The following ESRP1 variants were observed in gnomAD, a reference collection of about 807,000 sequenced individuals.
ESRP1 encodes epithelial splicing regulatory protein 1.
In ESRP1, 33 loss-of-function variants were observed where a neutral mutation model predicts 81.7. The ratio of observed to expected loss-of-function variants is 0.40; its 90% CI spans 0.31 to 0.54. ESRP1 has a LOEUF of 0.54. Ranked by LOEUF, ESRP1 falls within the 20% of genes least tolerant of loss-of-function variation. The probability of loss-of-function intolerance (pLI) is 0.41; values close to 1 mark genes in which losing one functional copy is unlikely to be tolerated. For missense variants in ESRP1, 672 were observed against 833.1 expected, an observed-to-expected ratio of 0.81 and a Z score of 2.38; for synonymous variants, 320 against 303.3, an observed-to-expected ratio of 1.06 and a Z score of -0.57.
At chr8:94,654,272 C>T (rs1377828131) in intron 4 of ESRP1, among the ~76,000 whole-genome samples, 1 of 152,066 alleles carries the variant, frequency 6.6e-6, no homozygotes, top group Non-Finnish European at 1.5e-5. Context: ...GAGTCAAGAT[C>T]GCACCATTTT....
chr8:94,689,978 G>A (rs146081711), intron 13 of ESRP1, among the ~76,000 whole-genome samples: 196 of 151,636 alleles, frequency 1.3e-3, no homozygotes, highest in African/African-American at 4.4e-3. Flanking sequence ...CACCATGCTC[G>A]GCTAATTTTT....
chr8:94,703,655 G>C (rs780218247), intron 15 of ESRP1, among the ~76,000 whole-genome samples: 1 of 152,154 alleles, frequency 6.6e-6, no homozygotes, highest in African/African-American at 2.4e-5. Flanking sequence ...ATAACTGACA[G>C]TCCCAGGGTT....
intron 13 of ESRP1, among the ~76,000 whole-genome samples, chr8:94,690,103 C>A (rs1809328079): frequency 6.7e-6 from 1 of 150,112 alleles, no homozygotes; most frequent in African/African-American, 2.4e-5. Context: ...CAGGCGTGAG[C>A]CACCGTGCCC....
intron 10 of ESRP1, 151 bp downstream of exon 10, chr8:94,668,401 G>C (rs1277693584): frequency 2.8e-6 from 2 of 705,904 alleles, no homozygotes; most frequent in African/African-American, 1.8e-5. Flanking sequence ...CTATAACCAA[G>C]AGATAGCCGC....
At chr8:94,690,878 A>G (rs920885149) in intron 13 of ESRP1, among the ~76,000 whole-genome samples, 6 of 152,226 alleles carry the variant, frequency 3.9e-5, no homozygotes, top group African/African-American at 1.4e-4. Context: ...TAGACTTGCT[A>G]TCTTTCTGAG....
In ESRP1 at chr8:94,642,092, C is replaced by T. The variant is rs1184416946; in HGVS notation, c.261+8C>T. The T allele has an allele frequency of 5.0e-6, 8 of 1,608,860 alleles. No homozygotes were observed. The highest frequency in any genetic ancestry group is 4.0e-5 in the African/African-American group (3 of 74,890). On this transcript the variant is annotated splice_region_variant and intron_variant, in intron 2 of 15. Coordinates refer to ENST00000433389, the MANE Select transcript of ESRP1 (RefSeq NM_017697.4). ...GACCAAGCCCTCCGACAGGTGACAA[C>T]CCCGGGTCACGCCACCCACCCCAGC...
intron 14 of ESRP1, 127 bp downstream of exon 14, chr8:94,692,954 T>C (rs1809464425): frequency 9.7e-7 from 1 of 1,033,588 alleles, no homozygotes; most frequent in East Asian, 2.7e-5. Context: ...ATGGATTTGC[T>C]TATGGAAACA....
At chr8:94,683,233 C>T (rs964710099) in intron 13 of ESRP1, among the ~76,000 whole-genome samples, 1 of 151,726 alleles carries the variant, frequency 6.6e-6, no homozygotes, top group South Asian at 2.1e-4. Flanking sequence ...CGTAAGCCAC[C>T]GCGCCCGGCC....
chr8:94,658,847 C>T lies in ESRP1; in HGVS notation c.491-3425C>T, dbSNP rs538811194. Among the ~76,000 whole-genome samples, 11 of 152,304 alleles carry T rather than the reference C, an allele frequency of 7.2e-5. No individual in the cohort carries two copies. In the South Asian group the frequency reaches 2.1e-3, roughly 29 times the overall value. ...TTTGCGGAGCACATTAGGGTCTGCT[C>T]ACCCAGGTGCACCTTGTTTTAGTGT... is the stretch of plus-strand genomic sequence containing the variant. On this transcript the variant is annotated intron_variant, in intron 4 of 15. Transcript: ENST00000433389.
chr8:94,660,762 CAAAAAACCAA>C (rs1027266277), intron 4 of ESRP1, among the ~76,000 whole-genome samples: 1 of 80,058 alleles, frequency 1.2e-5, no homozygotes, highest in Non-Finnish European at 2.7e-5. Context: ...AACAAACAAA[CAAAAAACCAA>C]AGAAAACCAA....
intron 13 of ESRP1, among the ~76,000 whole-genome samples, chr8:94,684,064 C>A (rs758277010): frequency 6.6e-6 from 1 of 152,140 alleles, no homozygotes; most frequent in Non-Finnish European, 1.5e-5. Context: ...TCAAGCTGAT[C>A]TCGAACTCCC....
Position 94,671,580 on chromosome 8 carries a change from A to G in ESRP1, c.1361A>G (p.Tyr454Cys). 6.2e-7 allele frequency: 1 copy of G among 1,613,894 alleles called. No homozygotes were observed. The highest frequency in any genetic ancestry group is 8.5e-7 in the Non-Finnish European group (1 of 1,179,876). ...TGTATACGCCTTCGAGGTCTTCCCTATGCAGCCACAATTGAGGACATCCTG... is the reference window on the plus strand; with the variant it reads ...TGTATACGCCTTCGAGGTCTTCCCTGTGCAGCCACAATTGAGGACATCCTG... ...RDCIRLRGLP[Y>C]AATIEDILDF... Residue 454 changes from tyrosine to cysteine, a missense_variant, in exon 11 of 16, where the codon TAT becomes TGT. Tyr to Cys is a radical substitution (Grantham distance 194, BLOSUM62 -2). Coordinates refer to ENST00000433389, the MANE Select transcript of ESRP1 (RefSeq NM_017697.4).
chr8:94,653,070 G>T (rs577393972), intron 4 of ESRP1, among the ~76,000 whole-genome samples: 1 of 152,038 alleles, frequency 6.6e-6, no homozygotes. Flanking sequence ...TCCATGATAG[G>T]GTATTGCATT....
chr8:94,654,771 A>G (rs1319978635), intron 4 of ESRP1, among the ~76,000 whole-genome samples: 1 of 152,060 alleles, frequency 6.6e-6, no homozygotes, highest in Non-Finnish European at 1.5e-5. Flanking sequence ...AAATAAATCT[A>G]AAAATTAGCT....
At chr8:94,661,152 T>G (rs1818724605) in intron 4 of ESRP1, among the ~76,000 whole-genome samples, 1 of 152,166 alleles carries the variant, frequency 6.6e-6, no homozygotes, top group Non-Finnish European at 1.5e-5. Flanking sequence ...GCGATTCTCT[T>G]GCCTCAGCCT....
intron 13 of ESRP1, among the ~76,000 whole-genome samples, chr8:94,689,283 A>G (rs896605966): frequency 2.7e-5 from 4 of 147,074 alleles, no homozygotes; most frequent in African/African-American, 1.0e-4. Context: ...AATCATATTT[A>G]TGAACATGGG....
chr8:94,684,592 G>A (rs1809060452), intron 13 of ESRP1, among the ~76,000 whole-genome samples: 1 of 152,162 alleles, frequency 6.6e-6, no homozygotes, highest in Non-Finnish European at 1.5e-5. Context: ...ATGGTTCTGT[G>A]TGGTCATTTT....
chr8:94,684,318 A>G (rs917339298), intron 13 of ESRP1, among the ~76,000 whole-genome samples: 11 of 152,192 alleles, frequency 7.2e-5, no homozygotes, highest in Non-Finnish European at 1.3e-4. Context: ...GGCCTGGAGA[A>G]GCCTGTATGG....
chr8:94,690,577 T>G (rs1349525918), intron 13 of ESRP1, among the ~76,000 whole-genome samples: 1 of 152,186 alleles, frequency 6.6e-6, no homozygotes, highest in Non-Finnish European at 1.5e-5. Flanking sequence ...TGTGTTGTAT[T>G]TAAGCTTCAT....
Sources: allele counts gnomAD v4.1 joint callset (sites outside exome capture counted in the v4.1 genomes callset), GRCh38; gene constraint gnomAD v4.1.1; transcripts MANE v1.5; gene names NCBI Gene and HGNC (gene_info 2026-07-23, HGNC 2026-07-21).